Variants in PRDM15 observed in about 807,000 individuals in gnomAD.
PRDM15 encodes the protein PR/SET domain 15.
In PRDM15, 64 loss-of-function variants were observed where a neutral mutation model predicts 128.6. The ratio of observed to expected loss-of-function variants is 0.50; its 90% CI spans 0.41 to 0.61. PRDM15 has a LOEUF of 0.61. Ranked by LOEUF, PRDM15 falls within the 20% of genes least tolerant of loss-of-function variation. PRDM15 has a pLI of 0.00. For synonymous variants in PRDM15, 615 were observed against 621.8 expected, an observed-to-expected ratio of 0.99 and a Z score of 0.16; for missense variants, 1,242 against 1,569.1, an observed-to-expected ratio of 0.79 and a Z score of 3.52.
intron 13 of PRDM15, among the ~76,000 whole-genome samples, chr21:41,824,563 A>C (rs75080492): frequency 6.6e-6 from 1 of 152,364 alleles, no homozygotes; most frequent in East Asian, 1.9e-4. Flanking sequence ...TCTCAACAGC[A>C]TGGAAGGCAC....
At chr21:41,802,008 C>T (rs966441370) in intron 23 of PRDM15, among the ~76,000 whole-genome samples, 1 of 152,158 alleles carries the variant, frequency 6.6e-6, no homozygotes, top group African/African-American at 2.4e-5. Flanking sequence ...CAGATGCTTC[C>T]TTTTCTATCC....
At chr21:41,842,788 CT>C (rs752234481) in intron 6 of PRDM15, among the ~76,000 whole-genome samples, 93 of 125,450 alleles carry the variant, frequency 7.4e-4, no homozygotes, top group Middle Eastern at 5.6e-3. Context: ...TACGCCTGGC[CT>C]TTTTTTTTTT....
chr21:41,877,462 G>A (rs1390134760), intron 1 of PRDM15: 3 of 152,266 alleles, frequency 2.0e-5, no homozygotes, highest in South Asian at 2.1e-4. Flanking sequence ...ACTGTGAGGG[G>A]AGCTGAGCAG....
chr21:41,817,056 C>T (rs1024844619), intron 18 of PRDM15, among the ~76,000 whole-genome samples: 1 of 152,164 alleles, frequency 6.6e-6, no homozygotes, highest in African/African-American at 2.4e-5. Context: ...TTCTGACCTC[C>T]CCACCACAGC....
intron 4 of PRDM15, among the ~76,000 whole-genome samples, chr21:41,856,436 A>G (rs1414986328): frequency 6.6e-6 from 1 of 151,600 alleles, no homozygotes; most frequent in African/African-American, 2.4e-5. Context: ...TCCTAAGACA[A>G]GCAGATCCAT....
intron 17 of PRDM15, 191 bp from the exon 18 acceptor site, chr21:41,819,892 A>C: frequency 1.2e-6 from 1 of 801,152 alleles, no homozygotes; most frequent in Non-Finnish European, 2.0e-6. Flanking sequence ...ATCCCTGAGG[A>C]CCTGGAGGGG....
At chr21:41,827,374 T>TA (rs764830541) in intron 12 of PRDM15, among the ~76,000 whole-genome samples, 120 of 152,332 alleles carry the variant, frequency 7.9e-4, no homozygotes, top group Non-Finnish European at 1.5e-3. Flanking sequence ...TTTGTATATA[T>TA]TTTTTGAGAT....
intron 14 of PRDM15, among the ~76,000 whole-genome samples, chr21:41,822,887 T>A (rs1216530531): frequency 1.3e-5 from 2 of 152,052 alleles, no homozygotes; most frequent in African/African-American, 2.4e-5. Context: ...ATACAAAAAT[T>A]AGCTGGACAT....
chr21:41,824,173 C>T (rs1281480251), intron 13 of PRDM15, among the ~76,000 whole-genome samples: 1 of 151,764 alleles, frequency 6.6e-6, no homozygotes, highest in Non-Finnish European at 1.5e-5. Flanking sequence ...CTGATGCCCA[C>T]ATTGTCAAGA....
intron 22 of PRDM15, 103 bp from the exon 23 acceptor site, chr21:41,803,024 G>C: frequency 2.3e-6 from 2 of 886,334 alleles, no homozygotes; most frequent in Non-Finnish European, 3.7e-6. Flanking sequence ...CCAATCAGTG[G>C]GGACGCTTGT....
At chr21:41,836,261 G>C in intron 9 of PRDM15, 54 bp from the exon 10 acceptor site, 1 of 1,522,442 alleles carries the variant, frequency 6.6e-7, no homozygotes, top group South Asian at 1.1e-5. Context: ...TTTACCGAGA[G>C]AAGCATGCCC....
chr21:41,864,298 T>C (rs1428146675), intron 1 of PRDM15, among the ~76,000 whole-genome samples: 2 of 152,262 alleles, frequency 1.3e-5, no homozygotes, highest in African/African-American at 4.8e-5. Context: ...TAACTCAAAA[T>C]GGATCACAGT....
Position 41,859,990 on chromosome 21 carries a change from G to C in PRDM15, c.38-305C>G, listed in dbSNP as rs1312677368. On this transcript the variant is annotated intron_variant, in intron 2 of 23. Coordinates refer to ENST00000398548, the MANE Select transcript of PRDM15 (RefSeq NM_001040424.3). This position sits in a 1 kb window ranked among gnomAD's most constrained non-coding sequence, Gnocchi z 5.3. Reference sequence around the variant, plus strand: ...TCACCTCCATGGTGACGAAGACCAAGACCCTCCCCAAAGAATGAGCATAAA... The same window carrying C: ...TCACCTCCATGGTGACGAAGACCAACACCCTCCCCAAAGAATGAGCATAAA... Among the ~76,000 whole-genome samples, 1 of 152,100 alleles carries C rather than the reference G, an allele frequency of 6.6e-6. No individual in the cohort carries two copies. Among genetic ancestry groups the C allele is most frequent in the African/African-American group, 2.4e-5 (1 of 41,428 alleles).
At position 41,810,553 on chromosome 21, in the gene PRDM15, G is replaced by A. The variant is rs2061832239; in HGVS notation, c.2476+200C>T. 1 of 643,554 alleles carries A rather than the reference G, an allele frequency of 1.6e-6. No homozygotes were observed. 39.9% of individuals were successfully genotyped at this position (643,554 alleles called of 1,614,324 possible). A position where few individuals can be genotyped will look rare whatever the true frequency, so the allele number is the denominator to read the frequency against. ...CAGCTGCATCACGGAACCAATATGA[G>A]AAAATTCAAGAAGGGATACTTGAAA... On this transcript the variant is annotated intron_variant, in intron 20 of 23. Transcript: ENST00000398548. The surrounding 1 kb of genome is among the most constrained non-coding windows in gnomAD (Gnocchi z 6.4).
Position 41,811,891 on chromosome 21 carries a change from C to G in PRDM15, c.2393-1055G>C, listed in dbSNP as rs2061875972. 1 of 152,144 alleles carries G rather than the reference C, an allele frequency of 6.6e-6. No homozygotes were observed. Among genetic ancestry groups the G allele is most frequent in the African/African-American group, 2.4e-5 (1 of 41,430 alleles). 9.4% of individuals were successfully genotyped at this position (152,144 alleles called of 1,614,324 possible). The stretch of plus-strand genomic sequence containing the variant: ...AGTAGAGACGGGCTTTCACCGTGGT[C>G]TCGATCTCCTGACCTCGTGATCCGC... On this transcript the variant is annotated intron_variant, in intron 19 of 23. Transcript: ENST00000398548. This position sits in a 1 kb window ranked among gnomAD's most constrained non-coding sequence, Gnocchi z 4.1.
At chr21:41,873,392 C>T (rs1469492401) in intron 1 of PRDM15, among the ~76,000 whole-genome samples, 1 of 152,184 alleles carries the variant, frequency 6.6e-6, no homozygotes, top group East Asian at 1.9e-4. Flanking sequence ...ACTTTCACTC[C>T]GAACGCCCAA....
chr21:41,855,756 C>T (rs1275133092), intron 4 of PRDM15, among the ~76,000 whole-genome samples: 1 of 152,228 alleles, frequency 6.6e-6, no homozygotes, highest in Non-Finnish European at 1.5e-5. Context: ...GGGGCCTCGC[C>T]CCCAACCGTG....
At chr21:41,850,400 G>A (rs78951663) in intron 5 of PRDM15, among the ~76,000 whole-genome samples, 1,983 of 150,344 alleles carry the variant, frequency 0.013, 16 homozygotes, top group South Asian at 0.041. Flanking sequence ...GCAGGTTCAG[G>A]TTCTTGTAAA....
intron 1 of PRDM15, among the ~76,000 whole-genome samples, chr21:41,865,152 GGCTCACTCCTCACTCCCCT>G (rs1481818808): frequency 2.7e-5 from 2 of 73,678 alleles, no homozygotes; most frequent in Admixed American, 2.8e-4. Context: ...CCCACTCCCC[GGCTCACTCCTCACTCCCCT>G]GCTCACTCCT....
Sources: gnomAD v4.1 joint callset for allele counts (sites outside exome capture counted in the v4.1 genomes callset) on GRCh38, gnomAD v4.1.1 for gene constraint, Gnocchi (gnomAD v3.1) non-coding constraint, MANE v1.5 for transcripts, NCBI Gene and HGNC (gene_info 2026-07-23, HGNC 2026-07-21) for gene names.